MAP2K1: variants seen among roughly 807,000 people sequenced by gnomAD.
MAP2K1 encodes the protein dual specificity mitogen-activated protein kinase kinase 1.
In MAP2K1, 16 loss-of-function variants were observed where a neutral mutation model predicts 46.3. That is an observed-to-expected ratio of 0.35 (90% confidence interval 0.23 to 0.52). The LOEUF (loss-of-function observed/expected upper bound fraction) is 0.52. Ranked by LOEUF, MAP2K1 falls within the 20% of genes least tolerant of loss-of-function variation. MAP2K1 has a pLI of 0.94. For missense variants in MAP2K1, 263 were observed against 497.1 expected, an observed-to-expected ratio of 0.53 and a Z score of 4.48; for synonymous variants, 183 against 185.6, an observed-to-expected ratio of 0.99 and a Z score of 0.11.
chr15:66,423,233 T>G (rs1435800060), intron 1 of MAP2K1, among the ~76,000 whole-genome samples: 1 of 152,202 alleles, frequency 6.6e-6, no homozygotes, highest in East Asian at 1.9e-4. Context: ...TTTGATTCTA[T>G]TTTTAGTTTT....
At chr15:66,462,679 G>C (rs982965793) in intron 5 of MAP2K1, among the ~76,000 whole-genome samples, 1 of 152,050 alleles carries the variant, frequency 6.6e-6, no homozygotes, top group Non-Finnish European at 1.5e-5. Context: ...AAAACCTCAA[G>C]GGTTCCAAGG....
chr15:66,407,022 A>G (rs1291676025), intron 1 of MAP2K1, among the ~76,000 whole-genome samples: 21 of 152,118 alleles, frequency 1.4e-4, no homozygotes, highest in Admixed American at 1.4e-3. Context: ...AAAAAAAAAG[A>G]TTGTGGCAAC....
intron 1 of MAP2K1, among the ~76,000 whole-genome samples, chr15:66,398,438 A>G (rs77829247): frequency 0.096 from 14,653 of 151,854 alleles, 905 homozygotes; most frequent in East Asian, 0.34. Flanking sequence ...ATCAAGGGAA[A>G]AAAAGGAGAG....
At chr15:66,396,076 G>A (rs552626102) in intron 1 of MAP2K1, among the ~76,000 whole-genome samples, 2 of 151,868 alleles carry the variant, frequency 1.3e-5, no homozygotes, top group South Asian at 2.1e-4. Context: ...GCGCGATCTC[G>A]CCTCAGTGCA....
intron 1 of MAP2K1, among the ~76,000 whole-genome samples, chr15:66,419,767 T>C (rs1454050082): frequency 6.6e-6 from 1 of 152,022 alleles, no homozygotes; most frequent in Non-Finnish European, 1.5e-5. Flanking sequence ...GAAGGTAATT[T>C]ATGTGATTTC....
intron 1 of MAP2K1, among the ~76,000 whole-genome samples, chr15:66,388,799 A>G (rs1420088507): frequency 1.3e-5 from 2 of 151,888 alleles, no homozygotes; most frequent in Non-Finnish European, 2.9e-5. Flanking sequence ...CCTGCTCCCA[A>G]CAGACTCTCT....
intron 1 of MAP2K1, among the ~76,000 whole-genome samples, chr15:66,417,097 C>G (rs961089717): frequency 1.3e-5 from 2 of 152,124 alleles, no homozygotes; most frequent in Non-Finnish European, 2.9e-5. Flanking sequence ...ATTGTTAGCC[C>G]AAAGACTTAT....
At chr15:66,397,728 TGAGTTAATGGCACCAA>T (rs1229864635) in intron 1 of MAP2K1, among the ~76,000 whole-genome samples, 1 of 152,190 alleles carries the variant, frequency 6.6e-6, no homozygotes, top group Non-Finnish European at 1.5e-5. Context: ...GATAGAGGAA[TGAGTTAATGGCACCAA>T]GAGGAAACAA....
intron 1 of MAP2K1, among the ~76,000 whole-genome samples, chr15:66,393,870 C>G (rs1265280879): frequency 6.6e-6 from 1 of 152,214 alleles, no homozygotes; most frequent in Non-Finnish European, 1.5e-5. Flanking sequence ...TGAAATGTCT[C>G]TTCACAGAGG....
intron 1 of MAP2K1, among the ~76,000 whole-genome samples, chr15:66,416,932 C>G (rs1037038569): frequency 6.6e-6 from 1 of 152,184 alleles, no homozygotes; most frequent in African/African-American, 2.4e-5. Flanking sequence ...AAGCTTTTCT[C>G]ATTTTATTTT....
chr15:66,388,120 G>A (rs577382757), intron 1 of MAP2K1, among the ~76,000 whole-genome samples: 2 of 152,294 alleles, frequency 1.3e-5, no homozygotes, highest in South Asian at 4.1e-4. Context: ...TTCACCAGGA[G>A]CCCCTAAACT....
chr15:66,448,775 G>A (rs573725235), intron 5 of MAP2K1, among the ~76,000 whole-genome samples: 6 of 152,016 alleles, frequency 3.9e-5, no homozygotes, highest in Admixed American at 2.6e-4. Context: ...AGGCCGAGGT[G>A]GGTGAATCAC....
chr15:66,432,848 T>A (rs2093478137), intron 1 of MAP2K1, among the ~76,000 whole-genome samples: 1 of 152,112 alleles, frequency 6.6e-6, no homozygotes, highest in Admixed American at 6.6e-5. Flanking sequence ...TAATTAGGGG[T>A]TGTGGATTAA....
At chr15:66,393,028 A>G (rs565536571) in intron 1 of MAP2K1, among the ~76,000 whole-genome samples, 2 of 152,096 alleles carry the variant, frequency 1.3e-5, no homozygotes, top group Non-Finnish European at 2.9e-5. Flanking sequence ...TGCTGCCTCA[A>G]ACAGTCATGA....
intron 1 of MAP2K1, among the ~76,000 whole-genome samples, chr15:66,400,397 T>A (rs2093378676): frequency 6.6e-6 from 1 of 152,138 alleles, no homozygotes. Flanking sequence ...TTCCACCACA[T>A]CCCCCTGAAG....
intron 1 of MAP2K1, among the ~76,000 whole-genome samples, chr15:66,402,953 T>C (rs1021311388): frequency 2.6e-5 from 4 of 152,170 alleles, no homozygotes; most frequent in African/African-American, 7.2e-5. Context: ...CCAGGGACTT[T>C]TCTGTTCTTT....
At chr15:66,420,767 GTATATATA>G (rs773577976) in intron 1 of MAP2K1, among the ~76,000 whole-genome samples, 2,910 of 35,064 alleles carry the variant, frequency 0.083, 457 homozygotes, top group East Asian at 0.14. Flanking sequence ...GTGTATGTGT[GTATATATA>G]TGTGTATATA....
rs796416636 is a variant in MAP2K1, at chr15:66,434,692, G to T, written c.81-335G>T. ...CAGTAGTGGGGCTTTTTAAACTGGG[G>T]TTTTAAAGCAAATTAAGGTGGCTCA... On this transcript the variant is annotated intron_variant, in intron 1 of 10. Coordinates refer to ENST00000307102, the MANE Select transcript of MAP2K1 (RefSeq NM_002755.4). Among the ~76,000 whole-genome samples the T allele has an allele frequency of 1.2e-4, 19 of 152,306 alleles. 1 individual carries two copies. Among genetic ancestry groups the T allele is most frequent in the African/African-American group, 4.6e-4 (19 of 41,570 alleles).
At chr15:66,403,362 A>G (rs1168791939) in intron 1 of MAP2K1, among the ~76,000 whole-genome samples, 1 of 152,194 alleles carries the variant, frequency 6.6e-6, no homozygotes, top group Non-Finnish European at 1.5e-5. Flanking sequence ...GGAAAAGAGA[A>G]TAAAGAAAAG....
Sources: gnomAD v4.1 joint callset for allele counts (sites outside exome capture counted in the v4.1 genomes callset) on GRCh38, gnomAD v4.1.1 for gene constraint, MANE v1.5 for transcripts, NCBI Gene and HGNC (gene_info 2026-07-23, HGNC 2026-07-21) for gene names.